The following THRB variants were observed in gnomAD, a reference collection of about 807,000 sequenced individuals.
THRB encodes the protein nuclear receptor subfamily 1 group A member 2.
A neutral mutation model predicts 47.8 loss-of-function variants in THRB; 12 were observed. The observed-to-expected ratio is 0.25, with a 90% CI of 0.16 to 0.41. The LOEUF (loss-of-function observed/expected upper bound fraction) is 0.41. THRB is among the 10% of genes least tolerant of loss of function. The pLI, the probability that THRB is intolerant of heterozygous loss-of-function variation, is 1.00. For synonymous variants in THRB, 218 were observed against 212.2 expected (o/e 1.03, Z -0.24); for missense variants, 348 against 589.2 (o/e 0.59, Z 4.24).
At chr3:24,147,694 G>C (rs1469128905) in intron 6 of THRB, among the ~76,000 whole-genome samples, 4 of 152,186 alleles carry the variant, frequency 2.6e-5, no homozygotes, top group East Asian at 1.9e-4. Context: ...CTGTATTGTA[G>C]AAGTTAATAA....
chr3:24,397,946 G>A (rs533029361), intron 1 of THRB, among the ~76,000 whole-genome samples: 3 of 152,174 alleles, frequency 2.0e-5, no homozygotes, highest in East Asian at 1.9e-4. Flanking sequence ...GCGTCAGACC[G>A]AAGAATTCTC....
chr3:24,488,859 G>A (rs187243070), intron 1 of THRB, among the ~76,000 whole-genome samples: 5 of 152,198 alleles, frequency 3.3e-5, no homozygotes, highest in African/African-American at 9.6e-5. Flanking sequence ...GAGGGTTTTC[G>A]TTAAGTTCCT....
chr3:24,294,457 C>G (rs2056266720), intron 3 of THRB, among the ~76,000 whole-genome samples: 1 of 152,172 alleles, frequency 6.6e-6, no homozygotes, highest in South Asian at 2.1e-4. Flanking sequence ...GAGCCCATGA[C>G]CCAATTCTGG....
At chr3:24,144,924 T>C (rs773520018) in intron 7 of THRB, 4 of 151,740 alleles carry the variant, frequency 2.6e-5, no homozygotes, top group Non-Finnish European at 5.9e-5. Context: ...AAAGCAGACA[T>C]AGCAAGAGAA....
chr3:24,253,577 CT>C (rs1354699607), intron 3 of THRB, among the ~76,000 whole-genome samples: 1 of 152,188 alleles, frequency 6.6e-6, no homozygotes, highest in East Asian at 1.9e-4. Flanking sequence ...CTAACTGTCT[CT>C]TTCATACAGG....
At chr3:24,282,724 T>C (rs1021494985) in intron 3 of THRB, among the ~76,000 whole-genome samples, 1 of 149,076 alleles carries the variant, frequency 6.7e-6, no homozygotes, top group African/African-American at 2.6e-5. Flanking sequence ...AACAATCAAA[T>C]AGACGCAATA....
chr3:24,147,227 C>T (rs1043342341), intron 6 of THRB, among the ~76,000 whole-genome samples: 7 of 151,806 alleles, frequency 4.6e-5, no homozygotes, highest in Non-Finnish European at 1.0e-4. Context: ...TAAGAGAGCT[C>T]CAAGACCAAG....
chr3:24,340,997 T>G (rs2062603339), intron 1 of THRB, among the ~76,000 whole-genome samples: 1 of 152,080 alleles, frequency 6.6e-6, no homozygotes. Context: ...TTCCTTTCAA[T>G]GATTTGCCCA....
At chr3:24,182,125 C>T (rs1326337693) in intron 5 of THRB, among the ~76,000 whole-genome samples, 10 of 152,014 alleles carry the variant, frequency 6.6e-5, no homozygotes, top group Non-Finnish European at 1.3e-4. Context: ...GGCGTGAACC[C>T]GGGAGGTGGA....
Position 24,293,933 on chromosome 3 carries a change from A to T in THRB, c.-43+3293T>A, listed in dbSNP as rs1235974533. ...GGTACTTGGATTTCCAGTGTGGTAG[A>T]TTGTTTCCACAAATGGCTGCAATAA... On this transcript the variant is annotated intron_variant, in intron 3 of 10. Coordinates refer to ENST00000646209, the MANE Select transcript of THRB (RefSeq NM_001354712.2). 2.0e-5 allele frequency among the ~76,000 whole-genome samples: 3 copies of T among 152,186 alleles called. No homozygotes were observed. In the East Asian group the frequency reaches 5.8e-4, roughly 29 times the overall value.
At chr3:24,435,375 A>G (rs922859832) in intron 1 of THRB, among the ~76,000 whole-genome samples, 1 of 152,164 alleles carries the variant, frequency 6.6e-6, no homozygotes, top group Admixed American at 6.5e-5. Context: ...AAAAAGGATG[A>G]TGTCAGAGAA....
intron 3 of THRB, among the ~76,000 whole-genome samples, chr3:24,233,950 C>T (rs534000173): frequency 6.6e-6 from 1 of 152,310 alleles, no homozygotes; most frequent in South Asian, 2.1e-4. Context: ...ACACAGTCTC[C>T]TTACCTTGCA....
At chr3:24,198,465 C>A (rs1195398704) in intron 4 of THRB, among the ~76,000 whole-genome samples, 1 of 61,862 alleles carries the variant, frequency 1.6e-5, no homozygotes, top group African/African-American at 6.8e-5. Flanking sequence ...CCCCCCCCCC[C>A]CTTTTTTTTT....
At chr3:24,335,088 C>T (rs915090203) in intron 2 of THRB, among the ~76,000 whole-genome samples, 2 of 152,172 alleles carry the variant, frequency 1.3e-5, no homozygotes, top group Non-Finnish European at 2.9e-5. Flanking sequence ...GCACTCCTCC[C>T]AGCACAGACT....
intron 3 of THRB, among the ~76,000 whole-genome samples, chr3:24,264,341 C>T (rs2052411359): frequency 6.6e-6 from 1 of 152,086 alleles, no homozygotes; most frequent in Non-Finnish European, 1.5e-5. Flanking sequence ...AGAACCCAGG[C>T]CCCCTTGGTG....
intron 1 of THRB, among the ~76,000 whole-genome samples, chr3:24,482,538 C>CCTCTCTCTCTCTCTCT (rs10575358): frequency 5.1e-4 from 67 of 130,984 alleles, no homozygotes; most frequent in African/African-American, 1.8e-3. Flanking sequence ...TTTCTGTCTC[C>CCTCTCTCTCTCTCTCT]CTCTCTCTCT....
At chr3:24,364,994 T>A (rs1194758105) in intron 1 of THRB, among the ~76,000 whole-genome samples, 11 of 152,186 alleles carry the variant, frequency 7.2e-5, no homozygotes, top group Non-Finnish European at 1.5e-5. Flanking sequence ...CTTATGCACT[T>A]ATATGTTACT....
At chr3:24,186,329 C>A (rs2042567374) in intron 5 of THRB, among the ~76,000 whole-genome samples, 1 of 150,882 alleles carries the variant, frequency 6.6e-6, no homozygotes, top group South Asian at 2.1e-4. Flanking sequence ...TCGTCTCAGA[C>A]TGGGAAGGGA....
intron 1 of THRB, among the ~76,000 whole-genome samples, chr3:24,466,715 T>C (rs1293368634): frequency 1.3e-5 from 2 of 152,190 alleles, no homozygotes; most frequent in African/African-American, 2.4e-5. Flanking sequence ...TGCAATAGAA[T>C]TATGTCTAAA....
Sources: allele counts gnomAD v4.1 joint callset (sites outside exome capture counted in the v4.1 genomes callset), GRCh38; gene constraint gnomAD v4.1.1; transcripts MANE v1.5; gene names NCBI Gene and HGNC (gene_info 2026-07-23, HGNC 2026-07-21).